Variants in PLSCR2 observed in about 807,000 individuals in gnomAD.
PLSCR2 encodes the protein phospholipid scramblase 2.
PLSCR2 carries 18 observed loss-of-function variants against 25.3 expected under a neutral mutation model. That is an observed-to-expected ratio of 0.71 (90% CI 0.49 to 1.06). The LOEUF (loss-of-function observed/expected upper bound fraction) is 1.06. Ranked by LOEUF, PLSCR2 falls within the 50% of genes least tolerant of loss-of-function variation. The pLI, the probability that PLSCR2 is intolerant of heterozygous loss-of-function variation, is 0.00. For missense variants in PLSCR2, 243 were observed against 269.5 expected, an observed-to-expected ratio of 0.90 and a Z score of 0.69; for synonymous variants, 88 against 87.3, an observed-to-expected ratio of 1.01 and a Z score of -0.04.
At position 146,492,982 on chromosome 3, in the gene PLSCR2, A is replaced by G. The variant is rs962170552; in HGVS notation, c.-293+2913T>C. Among the ~76,000 whole-genome samples, 3 of 142,494 alleles carry G rather than the reference A, an allele frequency of 2.1e-5. No homozygotes were observed. In the Admixed American group the frequency reaches 2.1e-4, roughly 10 times the overall value. The allele number at this position is 142,494 out of a possible 152,430, so 93.5% of individuals were successfully genotyped here. A position where few individuals can be genotyped will look rare whatever the true frequency, so the allele number is the denominator to read the frequency against. ...AATGACAAAGGAGACATTAATATGG[A>G]CCCCACAGAAATACAAAAAAAAAGT... On this transcript the variant is annotated intron_variant, in intron 1 of 8. Transcript: ENST00000336685.
chr3:146,420,491 C>G (rs1279661761), intron 2 of PLSCR2, among the ~76,000 whole-genome samples: 12 of 151,810 alleles, frequency 7.9e-5, no homozygotes. Flanking sequence ...CTAAGTAACG[C>G]TGTGTTGATT....
At chr3:146,441,686 G>T, downstream of PLSCR2, 4 of 749,436 alleles carry the variant, frequency 5.3e-6, no homozygotes, top group South Asian at 3.5e-5. Flanking sequence ...ATAAAGAAAA[G>T]AAAAAAACAC....
upstream of PLSCR2, among the ~76,000 whole-genome samples, chr3:146,461,390 A>T (rs1265877457): frequency 1.3e-5 from 2 of 152,212 alleles, no homozygotes; most frequent in Admixed American, 6.5e-5. Flanking sequence ...ATTAATGAAT[A>T]TAGATGACTC....
At chr3:146,454,002 C>T in exon 5 of PLSCR2, 1 of 1,560,506 alleles carries the variant, frequency 6.4e-7, no homozygotes, top group Non-Finnish European at 8.6e-7. Context: ...CATCTCTTAC[C>T]TCAAAATCAA....
intron 3 of PLSCR2, among the ~76,000 whole-genome samples, chr3:146,393,845 TC>T (rs2038182335): frequency 6.7e-6 from 1 of 150,214 alleles, no homozygotes; most frequent in Non-Finnish European, 1.5e-5. Flanking sequence ...AGACCATTAA[TC>T]AACTTATTCA....
chr3:146,446,232 C>T (rs2040547310), intron 6 of PLSCR2, among the ~76,000 whole-genome samples: 1 of 152,114 alleles, frequency 6.6e-6, no homozygotes, highest in Admixed American at 6.5e-5. Context: ...TGTTTGGGCA[C>T]TGAAGAGTTA....
intron 1 of PLSCR2, among the ~76,000 whole-genome samples, chr3:146,467,102 G>C (rs2041906193): frequency 1.3e-5 from 2 of 152,204 alleles, no homozygotes; most frequent in South Asian, 4.1e-4. Flanking sequence ...CAGTGCTATA[G>C]AGTGTGTGTA....
At chr3:146,445,603 T>C (rs776524947) in intron 6 of PLSCR2, among the ~76,000 whole-genome samples, 7 of 152,152 alleles carry the variant, frequency 4.6e-5, no homozygotes, top group African/African-American at 9.7e-5. Context: ...GGAGTTTGAA[T>C]ACAAAATGCC....
chr3:146,424,076 A>G (rs1477075399), intron 2 of PLSCR2, among the ~76,000 whole-genome samples: 1 of 151,870 alleles, frequency 6.6e-6, no homozygotes, highest in Non-Finnish European at 1.5e-5. Context: ...TGGCACGTGT[A>G]TACCTATGTA....
chr3:146,467,045 C>A (rs2041902626), intron 1 of PLSCR2, among the ~76,000 whole-genome samples: 1 of 152,162 alleles, frequency 6.6e-6, no homozygotes, highest in Admixed American at 6.5e-5. Flanking sequence ...GTTGTTACTA[C>A]TGATTAACTA....
intron 2 of PLSCR2, among the ~76,000 whole-genome samples, chr3:146,423,234 CCTCTCTCTCTCTCTCTCTCTCT>C (rs200145864): frequency 0.012 from 664 of 53,480 alleles, 18 homozygotes; most frequent in African/African-American, 0.042. Context: ...CCTTGCAGTG[CCTCTCTCTCTCTCTCTCTCTCT>C]CTCTCTCTCT....
At chr3:146,409,649 A>T (rs1326946200) in intron 2 of PLSCR2, among the ~76,000 whole-genome samples, 1 of 152,118 alleles carries the variant, frequency 6.6e-6, no homozygotes, top group African/African-American at 2.4e-5. Context: ...GAGTGTCTGG[A>T]GCTTGCCTTT....
downstream of PLSCR2, chr3:146,433,168 G>A (rs1457363306): frequency 2.6e-5 from 4 of 152,110 alleles, no homozygotes; most frequent in East Asian, 7.7e-4. Flanking sequence ...TTAAAATAGG[G>A]TCATCATATT....
At chr3:146,397,021 C>T (rs2038297957) in intron 2 of PLSCR2, among the ~76,000 whole-genome samples, 1 of 152,148 alleles carries the variant, frequency 6.6e-6, no homozygotes, top group Admixed American at 6.6e-5. Context: ...AATGGGCCAT[C>T]TCTATATGAA....
At chr3:146,449,166 A>C (rs776486091) in intron 6 of PLSCR2, 40 bp downstream of exon 6, 10 of 1,421,806 alleles carry the variant, frequency 7.0e-6, no homozygotes, top group Non-Finnish European at 9.8e-6. Flanking sequence ...ATGATTCTAG[A>C]GAAGCCATCT....
intron 2 of PLSCR2, among the ~76,000 whole-genome samples, chr3:146,422,426 C>G (rs2039184356): frequency 6.6e-6 from 1 of 152,038 alleles, no homozygotes; most frequent in Non-Finnish European, 1.5e-5. Context: ...ACCCACCCAG[C>G]CTGCAGGTGG....
At chr3:146,445,683 C>T (rs867869299) in intron 6 of PLSCR2, among the ~76,000 whole-genome samples, 2 of 151,978 alleles carry the variant, frequency 1.3e-5, no homozygotes, top group East Asian at 3.9e-4. Flanking sequence ...ATATTTATAT[C>T]TTTCTCCAGG....
chr3:146,466,224 G>A (rs979375325), intron 1 of PLSCR2, among the ~76,000 whole-genome samples: 1 of 132,660 alleles, frequency 7.5e-6, no homozygotes, highest in Non-Finnish European at 1.6e-5. Flanking sequence ...CCAGGCTGGA[G>A]GCCAGTGGCA....
chr3:146,415,493 T>C (rs1291129577), intron 2 of PLSCR2, among the ~76,000 whole-genome samples: 3 of 152,064 alleles, frequency 2.0e-5, no homozygotes, highest in East Asian at 3.9e-4. Context: ...ATTCAGATAA[T>C]ATCTATACTA....
Sources: gnomAD v4.1 joint callset for allele counts (sites outside exome capture counted in the v4.1 genomes callset) on GRCh38, gnomAD v4.1.1 for gene constraint, MANE v1.5 for transcripts, NCBI Gene and HGNC (gene_info 2026-07-23, HGNC 2026-07-21) for gene names.